SRRD: variants seen among roughly 807,000 people sequenced by gnomAD.
SRRD encodes SRR1 domain containing.
A neutral mutation model predicts 30.7 loss-of-function variants in SRRD; 28 were observed. The observed-to-expected ratio is 0.91, with a 90% CI of 0.68 to 1.25. The LOEUF is 1.25. Ranked by LOEUF, SRRD falls within the 50% of genes most tolerant of loss-of-function variation. The pLI, the probability that SRRD is intolerant of heterozygous loss-of-function variation, is 0.00. For missense variants in SRRD, 415 were observed against 417.3 expected, an observed-to-expected ratio of 0.99 and a Z score of 0.05; for synonymous variants, 161 against 159.6, an observed-to-expected ratio of 1.01 and a Z score of -0.07.
In SRRD at chr22:26,491,027, T is replaced by C; in HGVS notation, c.767T>C (p.Leu256Ser). 1.2e-6 allele frequency: 2 copies of C among 1,612,148 alleles called. No individual in the cohort carries two copies. The highest frequency in any genetic ancestry group is 1.7e-6 in the Non-Finnish European group (2 of 1,179,448). Residue 256 changes from leucine (L) to serine (S), a missense_variant and splice_region_variant, in exon 6 of 7, where the codon TTG becomes TCG. Physicochemically the swap from Leu to Ser is moderately radical, Grantham distance 145. Transcript: ENST00000215917. ...TTTTGGTTTTTTTTAATTTCTAGGTTGTTGGCAAGGATTCTGCAGAAAAAT... is the reference window on the plus strand; with the variant it reads ...TTTTGGTTTTTTTTAATTTCTAGGTCGTTGGCAAGGATTCTGCAGAAAAAT... ...GNSFKGLEER[L>S]LARILQKNYP...
chr22:26,484,113 C>T lies in SRRD; in HGVS notation c.209+14C>T. On this transcript the variant is annotated intron_variant, in intron 1 of 6. Transcript: ENST00000215917. ...CTGGGAGGCTGAGTGAGTGCAGGCT[C>T]GGCCCTGATGGAATCTTTGCGCCCA... The T allele has an allele frequency of 1.3e-6, 2 of 1,525,500 alleles. No homozygotes were observed. The highest frequency in any genetic ancestry group is 1.8e-6 in the Non-Finnish European group (2 of 1,141,972). The allele number at this position is 1,525,500 out of a possible 1,614,324, so 94.5% of individuals were successfully genotyped here. A position where few individuals can be genotyped will look rare whatever the true frequency, so the allele number is the denominator to read the frequency against.
chr22:26,488,863 AG>A (rs2091728244), intron 4 of SRRD, among the ~76,000 whole-genome samples: 8 of 152,252 alleles, frequency 5.3e-5, no homozygotes, highest in Admixed American at 5.2e-4. Context: ...AGGTAATAAA[AG>A]GGGATGCAGC....
rs536983659 is a variant in SRRD, at chr22:26,485,466, T to C, written c.210-557T>C. 3.9e-5 allele frequency among the ~76,000 whole-genome samples: 6 copies of C among 152,324 alleles called. No homozygotes were observed. The South Asian group carries it at 1.2e-3, about 32-fold the overall frequency. On this transcript the variant is annotated intron_variant, in intron 1 of 6. Transcript: ENST00000215917. ...TTTTAATTCACTGTTGACTTTCTTT[T>C]GCTCTGGGTCTGTAAAACCAGTTGA...
In SRRD at chr22:26,493,698, A is replaced by G. The variant is rs182017277; in HGVS notation, c.*2026A>G. ...ATGAACTCACTCTCCCTTTTAGCCT[A>G]TAAAGTAGATCTTACTGTTTAACAG... On this transcript the variant is annotated 3_prime_UTR_variant, in exon 7 of 7. Transcript: ENST00000215917. 4.9e-4 allele frequency: 88 copies of G among 177,860 alleles called. No individual in the cohort carries two copies. Among genetic ancestry groups the G allele is most frequent in the Admixed American group, 1.2e-3 (22 of 18,244 alleles). 11.0% of individuals were successfully genotyped at this position (177,860 alleles called of 1,614,324 possible). A position where few individuals can be genotyped will look rare whatever the true frequency, so the allele number is the denominator to read the frequency against.
intron 2 of SRRD, among the ~76,000 whole-genome samples, chr22:26,486,789 G>A (rs749078176): frequency 1.3e-5 from 2 of 152,154 alleles, no homozygotes; most frequent in African/African-American, 2.4e-5. Flanking sequence ...TTAAATGAAA[G>A]GCGGTGACCA....
intron 4 of SRRD, among the ~76,000 whole-genome samples, chr22:26,489,410 T>G (rs2091731738): frequency 6.6e-6 from 1 of 152,094 alleles, no homozygotes; most frequent in African/African-American, 2.4e-5. Context: ...AGCTGGGCTT[T>G]GAAGGTCTAC....
chr22:26,491,761 T>A lies in SRRD; in HGVS notation c.*89T>A. The A allele has an allele frequency of 8.0e-7, 1 of 1,243,938 alleles. No individual in the cohort carries two copies. The highest frequency in any genetic ancestry group is 1.1e-6 in the Non-Finnish European group (1 of 897,600). The allele number at this position is 1,243,938 out of a possible 1,614,324, so 77.1% of individuals were successfully genotyped here. A position where few individuals can be genotyped will look rare whatever the true frequency, so the allele number is the denominator to read the frequency against. On this transcript the variant is annotated 3_prime_UTR_variant, in exon 7 of 7. Transcript: ENST00000215917. ...CTGCTATGGAGGAACTACAGAGAAC[T>A]CCTTTGCCAGGAAAGAACATCAACT...
intron 4 of SRRD, 106 bp downstream of exon 4, chr22:26,488,594 C>T: frequency 1.2e-6 from 1 of 805,996 alleles, no homozygotes; most frequent in Non-Finnish European, 2.1e-6. Flanking sequence ...AGCCATTCCT[C>T]TCTTACCGCC....
rs1268888494 is a variant in SRRD at position 26,493,685 on chromosome 22, TC to T, written c.*2016del. 4.7e-5 allele frequency: 8 copies of T among 171,308 alleles called. No homozygotes were observed. The highest frequency in any genetic ancestry group is 7.6e-5 in the Non-Finnish European group (6 of 78,894). 10.6% of individuals were successfully genotyped at this position (171,308 alleles called of 1,614,324 possible). A position where few individuals can be genotyped will look rare whatever the true frequency, so the allele number is the denominator to read the frequency against. On this transcript the variant is annotated 3_prime_UTR_variant, in exon 7 of 7. Coordinates refer to ENST00000215917, the MANE Select transcript of SRRD (RefSeq NM_001013694.3). ...GCTATACACAAGCATGAACTCACTC[TC>T]CCTTTTAGCCTATAAAGTAGATCTT...
chr22:26,492,434 G>T lies in SRRD; in HGVS notation c.*762G>T. 2 of 1,481,744 alleles carry T rather than the reference G, an allele frequency of 1.3e-6. No homozygotes were observed. The highest frequency in any genetic ancestry group is 1.9e-6 in the Non-Finnish European group (2 of 1,073,720). 91.8% of individuals were successfully genotyped at this position (1,481,744 alleles called of 1,614,324 possible). On this transcript the variant is annotated 3_prime_UTR_variant, in exon 7 of 7. Transcript: ENST00000215917. Reference sequence around the variant, plus strand: ...CAGGTGTATGGAAGTTGACACTGTGGCTTGGCCCAGGTCTTGGGTGTGCCA... The same window carrying T: ...CAGGTGTATGGAAGTTGACACTGTGTCTTGGCCCAGGTCTTGGGTGTGCCA...
rs1290945567 is a variant in SRRD at position 26,494,388 on chromosome 22, T to C, written c.*2716T>C. On this transcript the variant is annotated 3_prime_UTR_variant, in exon 7 of 7. Transcript: ENST00000215917. ...GAAGTGGCCATTTGTTTTGTTTTGA[T>C]CCTGGTCCTACAGGCTAGTGACACT... 6.6e-7 allele frequency: 1 copy of C among 1,521,492 alleles called. No homozygotes were observed. The highest frequency in any genetic ancestry group is 9.1e-7 in the Non-Finnish European group (1 of 1,099,386). 94.2% of individuals were successfully genotyped at this position (1,521,492 alleles called of 1,614,324 possible). A position where few individuals can be genotyped will look rare whatever the true frequency, so the allele number is the denominator to read the frequency against.
chr22:26,490,107 T>A lies in SRRD; in HGVS notation c.673T>A (p.Leu225Met), dbSNP rs770346097. The A allele has an allele frequency of 1.2e-6, 2 of 1,614,144 alleles. No homozygotes were observed. The highest frequency in any genetic ancestry group is 1.7e-6 in the Non-Finnish European group (2 of 1,179,998). Residue 225 changes from leucine to methionine, a missense_variant, in exon 5 of 7, where the codon TTG (leucine) becomes ATG (methionine). Leu to Met is a conservative substitution (Grantham distance 15). Coordinates refer to ENST00000215917, the MANE Select transcript of SRRD (RefSeq NM_001013694.3). ...TTACATGCTCCATTGTGGGACGGCC[T>A]TGTACAACAATCTTTTATGGAGTAA... ...IFYMLHCGTA[L>M]YNNLLWSNWS...
chr22:26,493,914 C>A lies in SRRD; in HGVS notation c.*2242C>A. 3.8e-6 allele frequency: 2 copies of A among 521,584 alleles called. No individual in the cohort carries two copies. Among genetic ancestry groups the A allele is most frequent in the Non-Finnish European group, 6.9e-6 (2 of 289,826 alleles). 32.3% of individuals were successfully genotyped at this position (521,584 alleles called of 1,614,324 possible). A position where few individuals can be genotyped will look rare whatever the true frequency, so the allele number is the denominator to read the frequency against. On this transcript the variant is annotated 3_prime_UTR_variant, in exon 7 of 7. Coordinates refer to ENST00000215917, the MANE Select transcript of SRRD (RefSeq NM_001013694.3). ...TCATCTGAATCCAGCTTAAGTCAGT[C>A]TCCACTCAGGGAAGATGCCCCTCTC...
intron 4 of SRRD, 148 bp from the exon 5 acceptor site, chr22:26,489,896 A>G (rs961012810): frequency 1.3e-6 from 1 of 759,192 alleles, no homozygotes; most frequent in South Asian, 1.9e-5. Flanking sequence ...TAGATTTCAT[A>G]TACGAGTGTA....
At position 26,489,124 on chromosome 22, in the gene SRRD, T is replaced by A. The variant is rs544808835; in HGVS notation, c.609+636T>A. On this transcript the variant is annotated intron_variant, in intron 4 of 6. Coordinates refer to ENST00000215917, the MANE Select transcript of SRRD (RefSeq NM_001013694.3). ...CTGTGTGTGTGCTGAAACTGCCATC[T>A]TATTGCTTATTATGTATGAAAATTT... Among the ~76,000 whole-genome samples, 10 of 152,360 alleles carry A rather than the reference T, an allele frequency of 6.6e-5. No individual in the cohort carries two copies. The East Asian group carries it at 1.9e-3, about 29-fold the overall frequency.
chr22:26,485,821 C>T (rs766864987), intron 1 of SRRD, among the ~76,000 whole-genome samples: 18 of 152,220 alleles, frequency 1.2e-4, no homozygotes, highest in Non-Finnish European at 2.1e-4. Flanking sequence ...CATACTCTCT[C>T]CTGCAGTCTC....
Position 26,494,138 on chromosome 22 carries a change from C to T in SRRD, c.*2466C>T. 3 of 1,612,930 alleles carry T rather than the reference C, an allele frequency of 1.9e-6. No homozygotes were observed. The highest frequency in any genetic ancestry group is 2.2e-5 in the South Asian group (2 of 91,048). On this transcript the variant is annotated 3_prime_UTR_variant, in exon 7 of 7. Transcript: ENST00000215917. ...CATCCAAAATGGGAATCCTCACTTA[C>T]CAACGTTGGAGGACACCGCCCGGTT... is the stretch of plus-strand genomic sequence containing the variant.
chr22:26,490,614 A>G (rs1921048376), intron 5 of SRRD, among the ~76,000 whole-genome samples: 1 of 113,548 alleles, frequency 8.8e-6, no homozygotes. Flanking sequence ...CCCCGGCTGG[A>G]GTGCAGTGGT....
chr22:26,489,028 C>G (rs2091729110), intron 4 of SRRD, among the ~76,000 whole-genome samples: 1 of 152,202 alleles, frequency 6.6e-6, no homozygotes, highest in South Asian at 2.1e-4. Flanking sequence ...AAGCACAGGG[C>G]CAAAGCCAGT....
Sources: allele counts gnomAD v4.1 joint callset (sites outside exome capture counted in the v4.1 genomes callset), GRCh38; gene constraint gnomAD v4.1.1; transcripts MANE v1.5; gene names NCBI Gene and HGNC (gene_info 2026-07-23, HGNC 2026-07-21).